Variants in CADPS2 observed in about 807,000 individuals in gnomAD.
CADPS2 encodes the protein calcium-dependent secretion activator 2.
In CADPS2, 93 loss-of-function variants were observed where a neutral mutation model predicts 172.5. The observed-to-expected ratio is 0.54, with a 90% CI of 0.46 to 0.64. CADPS2 has a LOEUF of 0.64. Among genes scored for constraint, CADPS2 ranks in the 30% least tolerant of loss-of-function variants. The pLI is 0.00. For missense variants in CADPS2, 1,420 were observed against 1,565.9 expected, an observed-to-expected ratio of 0.91 and a Z score of 1.57; for synonymous variants, 546 against 555.2, an observed-to-expected ratio of 0.98 and a Z score of 0.23.
chr7:122,583,575 AATAT>A (rs1034714755), intron 6 of CADPS2, among the ~76,000 whole-genome samples: 1 of 151,308 alleles, frequency 6.6e-6, no homozygotes, highest in Non-Finnish European at 1.5e-5. Context: ...AATATATCAG[AATAT>A]ATGTGTGTGT....
At chr7:122,683,511 A>T (rs574186649) in intron 2 of CADPS2, among the ~76,000 whole-genome samples, 1 of 152,252 alleles carries the variant, frequency 6.6e-6, no homozygotes, top group East Asian at 1.9e-4. Context: ...GTTTCGTAAC[A>T]ATTTTATATA....
chr7:122,468,305 C>A (rs2055434168), intron 14 of CADPS2, among the ~76,000 whole-genome samples: 1 of 152,046 alleles, frequency 6.6e-6, no homozygotes, highest in South Asian at 2.1e-4. Context: ...GTAGAAAAAC[C>A]AGACTTGACA....
intron 27 of CADPS2, among the ~76,000 whole-genome samples, chr7:122,349,681 G>A (rs2151017711): frequency 6.6e-6 from 1 of 152,296 alleles, no homozygotes; most frequent in South Asian, 2.1e-4. Context: ...ATTTAAGAAA[G>A]GGTGCAGACT....
intron 2 of CADPS2, among the ~76,000 whole-genome samples, chr7:122,685,159 C>A (rs915799193): frequency 5.9e-5 from 9 of 152,206 alleles, no homozygotes; most frequent in African/African-American, 1.9e-4. Flanking sequence ...TAAATCCAAT[C>A]ACCCTTCTAA....
intron 17 of CADPS2, among the ~76,000 whole-genome samples, chr7:122,428,418 A>G (rs2049431286): frequency 6.6e-6 from 1 of 150,950 alleles, no homozygotes; most frequent in Non-Finnish European, 1.5e-5. Context: ...TCTGCCCTTG[A>G]GTGTATGTGT....
chr7:122,338,050 C>T (rs1486665838), intron 28 of CADPS2, among the ~76,000 whole-genome samples: 1 of 152,162 alleles, frequency 6.6e-6, no homozygotes, highest in Non-Finnish European at 1.5e-5. Context: ...ACTTTTTATC[C>T]ACCTTTAGTA....
At chr7:122,416,259 T>A in intron 17 of CADPS2, 95 bp from the exon 18 acceptor site, 3 of 528,230 alleles carry the variant, frequency 5.7e-6, no homozygotes, top group African/African-American at 2.0e-5. Flanking sequence ...TGAAATAGAA[T>A]GAGAAATAAG....
intron 2 of CADPS2, chr7:122,697,660 GAATGTAT>G: frequency 1.3e-6 from 1 of 755,918 alleles, no homozygotes. Flanking sequence ...GTTGGACAAA[GAATGTAT>G]AAAATTACTG....
intron 12 of CADPS2, 29 bp downstream of exon 12, chr7:122,480,823 C>A: frequency 6.8e-7 from 1 of 1,468,732 alleles, no homozygotes; most frequent in Non-Finnish European, 9.1e-7. Context: ...TTTAAAACAT[C>A]TAATTTTAAA....
intron 1 of CADPS2, among the ~76,000 whole-genome samples, chr7:122,737,520 T>G (rs1008302297): frequency 6.6e-6 from 1 of 152,172 alleles, no homozygotes; most frequent in Non-Finnish European, 1.5e-5. Context: ...CACTAATGGT[T>G]AGACTTTAAA....
chr7:122,511,067 G>A (rs2059969763), intron 9 of CADPS2, among the ~76,000 whole-genome samples: 1 of 152,122 alleles, frequency 6.6e-6, no homozygotes, highest in African/African-American at 2.4e-5. Flanking sequence ...ACCTCAGGTA[G>A]AATAAATTCA....
At chr7:122,770,637 T>C (rs968203891) in intron 1 of CADPS2, among the ~76,000 whole-genome samples, 3 of 143,402 alleles carry the variant, frequency 2.1e-5, no homozygotes, top group Admixed American at 6.7e-5. Context: ...TAGTGCCCAG[T>C]ACAGCTTGCT....
intron 2 of CADPS2, among the ~76,000 whole-genome samples, chr7:122,713,576 T>G (rs1471349359): frequency 1.3e-5 from 2 of 152,042 alleles, no homozygotes; most frequent in South Asian, 4.1e-4. Context: ...TGTAACCATT[T>G]TTTTCAATCT....
intron 7 of CADPS2, among the ~76,000 whole-genome samples, chr7:122,557,003 T>C (rs1481600391): frequency 6.6e-6 from 1 of 152,120 alleles, no homozygotes; most frequent in African/African-American, 2.4e-5. Context: ...ATTCCCTATG[T>C]TATGTTCCCT....
intron 1 of CADPS2, among the ~76,000 whole-genome samples, chr7:122,862,322 A>G (rs1034612699): frequency 1.3e-5 from 2 of 152,152 alleles, no homozygotes; most frequent in East Asian, 3.9e-4. Context: ...GAACCCTAAC[A>G]GCTTACATTT....
At chr7:122,868,336 C>T (rs1818821630) in intron 1 of CADPS2, among the ~76,000 whole-genome samples, 1 of 152,152 alleles carries the variant, frequency 6.6e-6, no homozygotes, top group Non-Finnish European at 1.5e-5. Flanking sequence ...CTTCCTCAGA[C>T]TCTCACTTTA....
chr7:122,641,393 G>A (rs1394156276), intron 3 of CADPS2, among the ~76,000 whole-genome samples: 6 of 152,042 alleles, frequency 3.9e-5, no homozygotes, highest in South Asian at 4.1e-4. Context: ...GAATTCTCTC[G>A]GTTAGGGAAT....
At chr7:122,871,904 T>C (rs571255989) in intron 1 of CADPS2, among the ~76,000 whole-genome samples, 1 of 152,236 alleles carries the variant, frequency 6.6e-6, no homozygotes, top group Non-Finnish European at 1.5e-5. Flanking sequence ...AGTAGTTCTT[T>C]AAGACCAGTC....
At chr7:122,880,805 T>TGATATATTACA (rs1230719316) in intron 1 of CADPS2, among the ~76,000 whole-genome samples, 1 of 152,166 alleles carries the variant, frequency 6.6e-6, no homozygotes, top group Non-Finnish European at 1.5e-5. Context: ...GAACATAAAA[T>TGATATATTACA]GATATATTAC....
Sources: allele counts gnomAD v4.1 joint callset (sites outside exome capture counted in the v4.1 genomes callset), GRCh38; gene constraint gnomAD v4.1.1; transcripts MANE v1.5; gene names NCBI Gene and HGNC (gene_info 2026-07-23, HGNC 2026-07-21).